Variants in MYO1D observed in about 807,000 individuals in gnomAD.
MYO1D encodes myosin ID.
MYO1D carries 83 observed loss-of-function variants against 122.0 expected under a neutral mutation model. The observed-to-expected ratio is 0.68, with a 90% CI of 0.57 to 0.82. The LOEUF (loss-of-function observed/expected upper bound fraction) is 0.82, where lower values mean the gene tolerates loss of function less well. Among genes scored for constraint, MYO1D ranks in the 40% least tolerant of loss-of-function variants. The pLI is 0.00. For missense variants in MYO1D, 1,157 were observed against 1,269.5 expected (o/e 0.91, Z 1.35); for synonymous variants, 464 against 446.9 (o/e 1.04, Z -0.48).
At chr17:32,847,485 G>A (rs1000017043) in intron 1 of MYO1D, among the ~76,000 whole-genome samples, 1 of 152,120 alleles carries the variant, frequency 6.6e-6, no homozygotes, top group African/African-American at 2.4e-5. Context: ...TCTCATCAGG[G>A]ACTCACAAAA....
At chr17:32,508,944 C>T (rs909170263) in intron 21 of MYO1D, among the ~76,000 whole-genome samples, 1 of 152,156 alleles carries the variant, frequency 6.6e-6, no homozygotes, top group Non-Finnish European at 1.5e-5. Context: ...GTGTCTGATA[C>T]AAAATAGGAG....
rs566292271 is a variant in MYO1D, at chr17:32,757,737, A to G, written c.1297-2075T>C. Among the ~76,000 whole-genome samples, 3 of 152,272 alleles carry G rather than the reference A, an allele frequency of 2.0e-5. No homozygotes were observed. The East Asian group carries it at 5.8e-4, about 29-fold the overall frequency. On this transcript the variant is annotated intron_variant, in intron 10 of 21. Transcript: ENST00000318217. ...TTAAAAGCTATTGGTCTCTGCTAGT[A>G]ACTTTCAGTTTGTAAGTTTAATACT...
In MYO1D at chr17:32,494,934, C is replaced by A; in HGVS notation, c.2865-19G>T. On this transcript the variant is annotated intron_variant, in intron 21 of 21. Coordinates refer to ENST00000318217, the MANE Select transcript of MYO1D (RefSeq NM_015194.3). Reference sequence around the variant, plus strand: ...CTTCTCACTGCAGGAACCAAAAACACCAGACGGGCAGTTAGCAGGCAGCAT... The same window carrying A: ...CTTCTCACTGCAGGAACCAAAAACAACAGACGGGCAGTTAGCAGGCAGCAT... 6.3e-7 allele frequency: 1 copy of A among 1,578,690 alleles called. No homozygotes were observed. Among genetic ancestry groups the A allele is most frequent in the Non-Finnish European group, 8.6e-7 (1 of 1,156,832 alleles).
At position 32,659,136 on chromosome 17, in the gene MYO1D, G is replaced by A; in HGVS notation, c.2324C>T (p.Ala775Val). The A allele has an allele frequency of 6.2e-7, 1 of 1,614,114 alleles. No homozygotes were observed. Among genetic ancestry groups the A allele is most frequent in the South Asian group, 1.1e-5 (1 of 91,072 alleles). Residue 775 changes from alanine (A) to valine (V), a missense_variant, in exon 17 of 22, where the codon GCC becomes GTC. Ala to Val is a moderately conservative substitution (Grantham distance 64). Coordinates refer to ENST00000318217, the MANE Select transcript of MYO1D (RefSeq NM_015194.3). ...TTACCTATTGAAAATCGTCTGCAGG[G>A]CCTCCTCAAAACGGCGAAGAACTTT... The part of the protein sequence containing the change: ...PPKVLRRFEE[A>V]LQTIFNRWRA...
chr17:32,557,490 C>T (rs1201463244), intron 21 of MYO1D, among the ~76,000 whole-genome samples: 1 of 151,562 alleles, frequency 6.6e-6, no homozygotes, highest in African/African-American at 2.4e-5. Flanking sequence ...GGCAAACTTC[C>T]TTTTTTTTCT....
chr17:32,628,319 T>C (rs1221527511), intron 20 of MYO1D, among the ~76,000 whole-genome samples: 1 of 152,232 alleles, frequency 6.6e-6, no homozygotes, highest in African/African-American at 2.4e-5. Flanking sequence ...GTGCAATATT[T>C]ATACATAGAA....
chr17:32,516,598 G>T (rs1465025901), intron 21 of MYO1D, among the ~76,000 whole-genome samples: 2 of 152,228 alleles, frequency 1.3e-5, no homozygotes, highest in East Asian at 1.9e-4. Context: ...TCTCGTAGAA[G>T]ATTTAAATGT....
chr17:32,639,534 AAC>A (rs1227046729), intron 19 of MYO1D, among the ~76,000 whole-genome samples: 10 of 151,974 alleles, frequency 6.6e-5, no homozygotes, highest in Non-Finnish European at 1.3e-4. Context: ...TTGGGTAATA[AAC>A]ACATATGTAT....
intron 16 of MYO1D, among the ~76,000 whole-genome samples, chr17:32,705,081 C>T (rs755781652): frequency 2.0e-5 from 3 of 151,972 alleles, no homozygotes; most frequent in Admixed American, 1.3e-4. Context: ...ATCAAATACA[C>T]GACTGAGTAC....
At chr17:32,692,807 C>CT (rs2089121246) in intron 16 of MYO1D, among the ~76,000 whole-genome samples, 1 of 152,136 alleles carries the variant, frequency 6.6e-6, no homozygotes, top group Non-Finnish European at 1.5e-5. Context: ...TTCCTGGCAT[C>CT]TACAGCAAAC....
At chr17:32,704,845 T>C (rs532429138) in intron 16 of MYO1D, among the ~76,000 whole-genome samples, 1 of 152,058 alleles carries the variant, frequency 6.6e-6, no homozygotes, top group Non-Finnish European at 1.5e-5. Context: ...AGAGTAAAGA[T>C]ATAACAAAAA....
rs151311284 is a variant in MYO1D at position 32,764,036 on chromosome 17, T to C, written c.1035+842A>G. On this transcript the variant is annotated intron_variant, in intron 8 of 21. Transcript: ENST00000318217. Reference sequence around the variant, plus strand: ...CATAGATGTATAAAGACGTGCAGCATTGTTTGCAGTTGCAAAAAAGGGAAG... The same window carrying C: ...CATAGATGTATAAAGACGTGCAGCACTGTTTGCAGTTGCAAAAAAGGGAAG... 6.5e-3 allele frequency among the ~76,000 whole-genome samples: 996 copies of C among 152,330 alleles called. 13 individuals are homozygous for C. The highest frequency in any genetic ancestry group is 0.02 in the African/African-American group (832 of 41,576).
At chr17:32,513,066 A>G (rs1909749867) in intron 21 of MYO1D, 1 of 152,234 alleles carries the variant, frequency 6.6e-6, no homozygotes, top group Non-Finnish European at 1.5e-5. Flanking sequence ...CGTCTCCTAT[A>G]GCTTCTATCC....
At chr17:32,841,308 A>G (rs1333217393) in intron 1 of MYO1D, among the ~76,000 whole-genome samples, 1 of 152,006 alleles carries the variant, frequency 6.6e-6, no homozygotes, top group African/African-American at 2.4e-5. Flanking sequence ...CCTTTACAAA[A>G]AATAGAAAAA....
intron 1 of MYO1D, among the ~76,000 whole-genome samples, chr17:32,832,262 C>T (rs1347115245): frequency 6.6e-6 from 1 of 151,606 alleles, no homozygotes; most frequent in Non-Finnish European, 1.5e-5. Context: ...CAGGCACGCA[C>T]CACCACACCT....
intron 16 of MYO1D, among the ~76,000 whole-genome samples, chr17:32,685,844 T>G (rs953540427): frequency 1.3e-5 from 2 of 152,246 alleles, no homozygotes; most frequent in African/African-American, 4.8e-5. Flanking sequence ...GTTGAGCAAA[T>G]ATTCACTTCT....
chr17:32,719,642 G>A (rs761487692), intron 15 of MYO1D, among the ~76,000 whole-genome samples: 140 of 152,120 alleles, frequency 9.2e-4, no homozygotes, highest in Non-Finnish European at 1.7e-3. Context: ...GAGCCACTGC[G>A]CCTGGCCAAC....
At chr17:32,780,874 C>T in intron 1 of MYO1D, 90 bp from the exon 2 acceptor site, 1 of 1,240,288 alleles carries the variant, frequency 8.1e-7, no homozygotes, top group East Asian at 2.5e-5. Flanking sequence ...CCAAGGAAGT[C>T]CAAATATCCT....
At chr17:32,871,531 T>C (rs184635277) in intron 1 of MYO1D, among the ~76,000 whole-genome samples, 16 of 152,226 alleles carry the variant, frequency 1.1e-4, no homozygotes, top group Middle Eastern at 3.4e-3. Context: ...AAAGAGAGGG[T>C]GAAAAATTAA....
Sources: allele counts gnomAD v4.1 joint callset (sites outside exome capture counted in the v4.1 genomes callset), GRCh38; gene constraint gnomAD v4.1.1; transcripts MANE v1.5; gene names NCBI Gene and HGNC (gene_info 2026-07-23, HGNC 2026-07-21).